Variants in NINL observed in about 807,000 individuals in gnomAD.
NINL encodes the protein ninein-like protein.
Under a neutral mutation model 160.3 loss-of-function variants are expected in NINL, and 153 were observed. The observed-to-expected ratio is 0.95, with a 90% CI of 0.84 to 1.09. NINL has a LOEUF of 1.09. NINL is among the 50% of genes least tolerant of loss of function. The probability of loss-of-function intolerance (pLI) is 0.00; values close to 1 mark genes in which losing one functional copy is unlikely to be tolerated. For synonymous variants in NINL, 800 were observed against 734.8 expected, an observed-to-expected ratio of 1.09 and a Z score of -1.43; for missense variants, 1,829 against 1,764.0, an observed-to-expected ratio of 1.04 and a Z score of -0.66.
At chr20:25,513,522 G>A (rs1471674051) in intron 3 of NINL, among the ~76,000 whole-genome samples, 2 of 152,158 alleles carry the variant, frequency 1.3e-5, no homozygotes, top group Non-Finnish European at 2.9e-5. Flanking sequence ...AAGACAGCAG[G>A]CACCATCAAG....
chr20:25,531,035 A>G (rs1162453648), intron 1 of NINL, among the ~76,000 whole-genome samples: 1 of 152,180 alleles, frequency 6.6e-6, no homozygotes, highest in Non-Finnish European at 1.5e-5. Flanking sequence ...CTCAGCCACA[A>G]AAGACGGCTG....
At chr20:25,507,787 G>A (rs1173402441) in intron 5 of NINL, among the ~76,000 whole-genome samples, 2 of 152,202 alleles carry the variant, frequency 1.3e-5, no homozygotes, top group African/African-American at 2.4e-5. Context: ...GGCCACCTTC[G>A]AGGTCCCTTC....
intron 8 of NINL, chr20:25,499,264 T>C (rs2063820154): frequency 1.0e-6 from 1 of 983,130 alleles, no homozygotes; most frequent in Non-Finnish European, 1.2e-6. Context: ...CGTCACTGGA[T>C]GGCGTAGAGG....
rs889675850 is a variant in NINL at position 25,526,678 on chromosome 20, C to G, written c.-11-80G>C. The G allele has an allele frequency of 1.4e-4, 203 of 1,428,916 alleles. 4 individuals carry two copies. The highest frequency in any genetic ancestry group is 1.3e-3 in the South Asian group (105 of 78,140). The allele number at this position is 1,428,916 out of a possible 1,614,324, so 88.5% of individuals were successfully genotyped here. On this transcript the variant is annotated intron_variant, in intron 1 of 23. Transcript: ENST00000278886. ...CCATTCCCACACTGCCGGTGAGCACCGAGCTACATGGTCCAAGCAGACGCA... is the reference window on the plus strand; with the variant it reads ...CCATTCCCACACTGCCGGTGAGCACGGAGCTACATGGTCCAAGCAGACGCA...
chr20:25,569,393 T>C (rs1009180095), intron 1 of NINL, among the ~76,000 whole-genome samples: 4 of 152,152 alleles, frequency 2.6e-5, no homozygotes, highest in African/African-American at 7.2e-5. Flanking sequence ...GTGTTTTTAT[T>C]AAACAAGATA....
At position 25,482,035 on chromosome 20, in the gene NINL, C is replaced by T; in HGVS notation, c.1743G>A (p.Lys581=). 1 of 1,598,654 alleles carries T rather than the reference C, an allele frequency of 6.3e-7. No individual in the cohort carries two copies. Among genetic ancestry groups the T allele is most frequent in the Non-Finnish European group, 8.5e-7 (1 of 1,179,794 alleles). ...GGCTCCATGAGGGGCTGTGCCGGTT[C>T]TTGGGCAGCCGCGCCCACAGGCCTT... ...ELEGLWARLP[K]NRHSPSWSPD... The change falls in exon 14 of 24, where the codon AAG becomes AAA. Residue 581 remains lysine (K), a synonymous_variant. Transcript: ENST00000278886.
Position 25,479,769 on chromosome 20 carries a change from T to C in NINL, c.1917+392A>G, listed in dbSNP as rs540399548. On this transcript the variant is annotated intron_variant, in intron 15 of 23. Transcript: ENST00000278886. ...TTCATCCTGACAGTTTCATCCAGGG[T>C]GGCCCTGGCCTCAAAGCCACTGAGC... is the stretch of plus-strand genomic sequence containing the variant. Among the ~76,000 whole-genome samples, 3 of 152,272 alleles carry C rather than the reference T, an allele frequency of 2.0e-5. No individual in the cohort carries two copies. In the South Asian group the frequency reaches 6.2e-4, roughly 32 times the overall value.
chr20:25,458,718 C>T, intron 21 of NINL, 189 bp from the exon 22 acceptor site: 1 of 629,740 alleles, frequency 1.6e-6, no homozygotes, highest in South Asian at 2.0e-5. Flanking sequence ...TGCTGTCAGC[C>T]AGCGCTTCCA....
chr20:25,506,018 C>T (rs1229321533), intron 5 of NINL, among the ~76,000 whole-genome samples: 3 of 152,242 alleles, frequency 2.0e-5, no homozygotes, highest in South Asian at 2.1e-4. Context: ...AATCCCAGCA[C>T]TTTGGGAGAC....
chr20:25,494,725 C>A (rs537144848), intron 10 of NINL, among the ~76,000 whole-genome samples: 2 of 152,324 alleles, frequency 1.3e-5, no homozygotes, highest in African/African-American at 4.8e-5. Context: ...AGCACAGATC[C>A]GTGGAAACCC....
intron 12 of NINL, 32 bp downstream of exon 12, chr20:25,489,843 T>C (rs761383177): frequency 7.2e-7 from 1 of 1,397,424 alleles, no homozygotes; most frequent in East Asian, 2.6e-5. Context: ...GGCCCTCCCC[T>C]CTGGAGGCAG....
chr20:25,533,103 C>T (rs1466203702), intron 1 of NINL, among the ~76,000 whole-genome samples: 1 of 152,158 alleles, frequency 6.6e-6, no homozygotes, highest in African/African-American at 2.4e-5. Context: ...GAACACAGCC[C>T]AGGCAACACG....
intron 1 of NINL, among the ~76,000 whole-genome samples, chr20:25,546,447 C>A (rs2064733539): frequency 6.6e-6 from 1 of 151,962 alleles, no homozygotes; most frequent in African/African-American, 2.4e-5. Flanking sequence ...AAAAATTTAA[C>A]CCAAAAAAGA....
intron 17 of NINL, among the ~76,000 whole-genome samples, chr20:25,472,641 C>T (rs2063135071): frequency 6.6e-6 from 1 of 151,578 alleles, no homozygotes; most frequent in Non-Finnish European, 1.5e-5. Context: ...GTGATCCTCC[C>T]ATCTAGCCTC....
intron 1 of NINL, among the ~76,000 whole-genome samples, chr20:25,559,208 A>C (rs900235890): frequency 1.3e-5 from 2 of 152,140 alleles, no homozygotes; most frequent in Non-Finnish European, 2.9e-5. Context: ...GCTTGGGATA[A>C]GGCAGTGTGC....
chr20:25,573,068 G>A (rs950941514), intron 1 of NINL, among the ~76,000 whole-genome samples: 4 of 152,052 alleles, frequency 2.6e-5, no homozygotes, highest in South Asian at 2.1e-4. Context: ...AGGCCGAGGC[G>A]GGCGGATCAC....
intron 1 of NINL, among the ~76,000 whole-genome samples, chr20:25,550,530 A>C (rs1364937124): frequency 1.3e-5 from 2 of 152,024 alleles, no homozygotes; most frequent in Non-Finnish European, 2.9e-5. Flanking sequence ...ATTGATCACT[A>C]TCTATACTAT....
chr20:25,489,129 G>T, intron 13 of NINL, 115 bp downstream of exon 13: 1 of 1,028,866 alleles, frequency 9.7e-7, no homozygotes, highest in Non-Finnish European at 1.5e-6. Flanking sequence ...GTCAAGCATG[G>T]CCGCAAGCAG....
At position 25,496,672 on chromosome 20, in the gene NINL, T is replaced by C; in HGVS notation, c.1301A>G (p.Lys434Arg). 6.2e-7 allele frequency: 1 copy of C among 1,614,070 alleles called. No individual in the cohort carries two copies. The highest frequency in any genetic ancestry group is 8.5e-7 in the Non-Finnish European group (1 of 1,179,998). The change falls in exon 10 of 24, where the codon AAG (lysine) becomes AGG (arginine). Residue 434 changes from lysine (K) to arginine (R), a missense_variant. Coordinates refer to ENST00000278886, the MANE Select transcript of NINL (RefSeq NM_025176.6). Reference sequence around the variant, plus strand: ...TGGGCCCAGAACCCACTTGATTTTCTTCTCCGTGAGCTGCTCCAGGGTGGA... The same window carrying C: ...TGGGCCCAGAACCCACTTGATTTTCCTCTCCGTGAGCTGCTCCAGGGTGGA... ...CHSTLEQLTEKKIKHLEQGYR... is the reference protein window; with the variant it reads ...CHSTLEQLTERKIKHLEQGYR...
Sources: gnomAD v4.1 joint callset for allele counts (sites outside exome capture counted in the v4.1 genomes callset) on GRCh38, gnomAD v4.1.1 for gene constraint, MANE v1.5 for transcripts, NCBI Gene and HGNC (gene_info 2026-07-23, HGNC 2026-07-21) for gene names.